Variants in OPCML observed in about 807,000 individuals in gnomAD.
OPCML encodes the protein opioid binding protein/cell adhesion molecule like, also known as opioid-binding protein/cell adhesion molecule.
In OPCML, 13 loss-of-function variants were observed where a neutral mutation model predicts 37.8. That is an observed-to-expected ratio of 0.34 (90% CI 0.22 to 0.55). The LOEUF (loss-of-function observed/expected upper bound fraction) is 0.55. Among genes scored for constraint, OPCML ranks in the 20% least tolerant of loss-of-function variants. The pLI is 0.91. For missense variants in OPCML, 341 were observed against 435.6 expected (o/e 0.78, Z 1.93); for synonymous variants, 176 against 168.8 (o/e 1.04, Z -0.33).
At chr11:133,122,693 A>G (rs1949440821) in intron 1 of OPCML, among the ~76,000 whole-genome samples, 1 of 152,132 alleles carries the variant, frequency 6.6e-6, no homozygotes, top group African/African-American at 2.4e-5. Flanking sequence ...AGCACAACTC[A>G]GCGTTGATTT....
intron 1 of OPCML, among the ~76,000 whole-genome samples, chr11:133,287,372 G>A (rs1299477587): frequency 2.8e-5 from 4 of 144,116 alleles, no homozygotes; most frequent in African/African-American, 1.0e-4. Context: ...TTGGCCTCCC[G>A]ACGTGCTGGG....
chr11:133,134,601 G>C (rs1383062867), intron 1 of OPCML, among the ~76,000 whole-genome samples: 1 of 152,150 alleles, frequency 6.6e-6, no homozygotes, highest in Non-Finnish European at 1.5e-5. Context: ...CTGCTGCGTC[G>C]CCTCGGCCAT....
At chr11:132,898,385 G>A (rs1451911656) in intron 2 of OPCML, among the ~76,000 whole-genome samples, 1 of 152,130 alleles carries the variant, frequency 6.6e-6, no homozygotes, top group African/African-American at 2.4e-5. Flanking sequence ...CACGCTCATG[G>A]TATTTCACAC....
At chr11:133,449,785 C>T (rs1299748381) in intron 1 of OPCML, among the ~76,000 whole-genome samples, 2 of 151,636 alleles carry the variant, frequency 1.3e-5, no homozygotes, top group African/African-American at 2.4e-5. Flanking sequence ...TGTGCAGAGT[C>T]GCTATTTCTA....
chr11:133,207,998 C>A (rs1035035922), intron 1 of OPCML, among the ~76,000 whole-genome samples: 5 of 152,146 alleles, frequency 3.3e-5, no homozygotes, highest in African/African-American at 1.2e-4. Flanking sequence ...AGCACCTCTA[C>A]GCTTTGTAAT....
chr11:132,856,942 A>T (rs1050369064), intron 2 of OPCML, among the ~76,000 whole-genome samples: 1 of 152,172 alleles, frequency 6.6e-6, no homozygotes, highest in African/African-American at 2.4e-5. Flanking sequence ...AAACTTTTTA[A>T]ATAAAATTTC....
chr11:133,023,668 G>T (rs2136907140), intron 1 of OPCML, among the ~76,000 whole-genome samples: 1 of 152,268 alleles, frequency 6.6e-6, no homozygotes, highest in East Asian at 1.9e-4. Context: ...AATAAAGATT[G>T]AATTCAAATT....
At chr11:132,721,280 G>A (rs1944663164) in intron 2 of OPCML, among the ~76,000 whole-genome samples, 1 of 152,162 alleles carries the variant, frequency 6.6e-6, no homozygotes, top group South Asian at 2.1e-4. Context: ...CATGCTGAGG[G>A]GAGTTGGGAA....
At chr11:133,246,063 A>G (rs560632686) in intron 1 of OPCML, among the ~76,000 whole-genome samples, 12 of 152,188 alleles carry the variant, frequency 7.9e-5, no homozygotes, top group Non-Finnish European at 1.8e-4. Context: ...CCGCCATGGC[A>G]CATGTATACC....
In OPCML at chr11:132,633,197, C is replaced by T. The variant is rs575149053; in HGVS notation, c.379+23890G>A. ...ACTGTTGGTGTTTGAGGGGGACAAT[C>T]GGTAGCTCTCTCTCTTTTTTTCTGA... On this transcript the variant is annotated intron_variant, in intron 3 of 7. Transcript: ENST00000524381. 6.6e-5 allele frequency among the ~76,000 whole-genome samples: 10 copies of T among 152,188 alleles called. No homozygotes were observed. The South Asian group carries it at 8.3e-4, about 13-fold the overall frequency.
At chr11:133,351,087 T>A (rs1413352535) in intron 1 of OPCML, among the ~76,000 whole-genome samples, 1 of 152,252 alleles carries the variant, frequency 6.6e-6, no homozygotes, top group African/African-American at 2.4e-5. Flanking sequence ...GCTGTTAAGA[T>A]GGACTGAGTT....
At chr11:132,704,313 G>A (rs1417464841) in intron 2 of OPCML, among the ~76,000 whole-genome samples, 1 of 152,138 alleles carries the variant, frequency 6.6e-6, no homozygotes, top group Non-Finnish European at 1.5e-5. Context: ...AGAAAAATTA[G>A]GGTTAAAACA....
intron 7 of OPCML, among the ~76,000 whole-genome samples, chr11:132,432,411 G>C (rs1459219896): frequency 3.9e-5 from 6 of 152,140 alleles, no homozygotes; most frequent in Non-Finnish European, 8.8e-5. Flanking sequence ...ACAGTCATAG[G>C]ATCAGAGAAT....
At chr11:132,491,924 A>ATTT (rs780995319) in intron 4 of OPCML, among the ~76,000 whole-genome samples, 18 of 133,224 alleles carry the variant, frequency 1.4e-4, no homozygotes, top group South Asian at 7.3e-4. Context: ...GACATACCTA[A>ATTT]TTTTTTTTTT....
intron 3 of OPCML, among the ~76,000 whole-genome samples, chr11:132,549,132 A>G (rs2096375676): frequency 6.6e-6 from 1 of 152,144 alleles, no homozygotes; most frequent in Non-Finnish European, 1.5e-5. Context: ...ATAAAACAGG[A>G]TGTGGTAAAG....
chr11:133,242,308 T>G (rs1288061994), intron 1 of OPCML, among the ~76,000 whole-genome samples: 1 of 152,224 alleles, frequency 6.6e-6, no homozygotes, highest in Non-Finnish European at 1.5e-5. Flanking sequence ...CCGAGTTAAG[T>G]GTCTTTGGTG....
intron 1 of OPCML, among the ~76,000 whole-genome samples, chr11:132,984,242 T>A (rs1231968847): frequency 6.6e-6 from 1 of 152,220 alleles, no homozygotes; most frequent in African/African-American, 2.4e-5. Flanking sequence ...ATAGCTAAGC[T>A]GTATTGAACA....
At chr11:133,259,306 A>G (rs1030066725) in intron 1 of OPCML, among the ~76,000 whole-genome samples, 8 of 152,222 alleles carry the variant, frequency 5.3e-5, no homozygotes, top group Non-Finnish European at 7.3e-5. Context: ...ATGGGCTTAT[A>G]TTATTAACCT....
intron 4 of OPCML, among the ~76,000 whole-genome samples, chr11:132,477,354 G>A (rs2096160165): frequency 1.3e-5 from 2 of 152,326 alleles, no homozygotes; most frequent in East Asian, 1.9e-4. Context: ...CCTGCACAGT[G>A]GTACAGACGT....
Sources: gnomAD v4.1 joint callset for allele counts (sites outside exome capture counted in the v4.1 genomes callset) on GRCh38, gnomAD v4.1.1 for gene constraint, MANE v1.5 for transcripts, NCBI Gene and HGNC (gene_info 2026-07-23, HGNC 2026-07-21) for gene names.